FHIT: variants seen among roughly 807,000 people sequenced by gnomAD.
FHIT encodes the protein bis(5'-adenosyl)-triphosphatase.
Under a neutral mutation model 17.9 loss-of-function variants are expected in FHIT, and 19 were observed. That is an observed-to-expected ratio of 1.06 (90% CI 0.74 to 1.56). The LOEUF is 1.56. Ranked by LOEUF, FHIT falls within the 40% of genes most tolerant of loss-of-function variation. The probability of loss-of-function intolerance (pLI) is 0.00; values close to 1 mark genes in which losing one functional copy is unlikely to be tolerated. For synonymous variants in FHIT, 81 were observed against 69.7 expected (o/e 1.16, Z -0.81); for missense variants, 248 against 189.2 (o/e 1.31, Z -1.82).
At chr3:60,709,764 T>A (rs2041469602) in intron 4 of FHIT, among the ~76,000 whole-genome samples, 1 of 152,214 alleles carries the variant, frequency 6.6e-6, no homozygotes, top group Admixed American at 6.5e-5. Context: ...ATATCCAAGT[T>A]TCCCAAAATT....
chr3:59,898,164 C>G (rs1315352177), intron 8 of FHIT, among the ~76,000 whole-genome samples: 1 of 152,168 alleles, frequency 6.6e-6, no homozygotes, highest in African/African-American at 2.4e-5. Context: ...AGTTAAAACT[C>G]TGTTTCATGG....
chr3:60,089,841 T>C (rs1703656066), intron 5 of FHIT, among the ~76,000 whole-genome samples: 1 of 152,128 alleles, frequency 6.6e-6, no homozygotes, highest in Non-Finnish European at 1.5e-5. Context: ...CTCGTAATAT[T>C]GTTGAATTGG....
chr3:60,113,577 G>T (rs1180585024), intron 5 of FHIT, among the ~76,000 whole-genome samples: 1 of 151,816 alleles, frequency 6.6e-6, no homozygotes, highest in African/African-American at 2.4e-5. Flanking sequence ...ACTGGTACAT[G>T]AAGATTAAGA....
intron 7 of FHIT, among the ~76,000 whole-genome samples, chr3:59,966,445 G>A: frequency 6.6e-6 from 1 of 152,156 alleles, no homozygotes; most frequent in East Asian, 1.9e-4. Flanking sequence ...TACATGCTGA[G>A]AAGTATACTA....
intron 4 of FHIT, among the ~76,000 whole-genome samples, chr3:60,581,120 T>C (rs2037736035): frequency 6.6e-6 from 1 of 152,130 alleles, no homozygotes; most frequent in Non-Finnish European, 1.5e-5. Flanking sequence ...TCTCATTCTC[T>C]CTTGCTCACT....
At chr3:59,909,898 G>A (rs1704785785) in intron 8 of FHIT, among the ~76,000 whole-genome samples, 1 of 152,192 alleles carries the variant, frequency 6.6e-6, no homozygotes, top group Non-Finnish European at 1.5e-5. Flanking sequence ...AGAATATGAA[G>A]AAAGGAACAG....
At chr3:60,168,946 C>G (rs146294206) in intron 5 of FHIT, among the ~76,000 whole-genome samples, 2 of 152,284 alleles carry the variant, frequency 1.3e-5, no homozygotes, top group African/African-American at 2.4e-5. Flanking sequence ...CTTGACATAT[C>G]GGGATGTGTG....
chr3:59,946,805 G>A (rs1706828702), intron 7 of FHIT, among the ~76,000 whole-genome samples: 1 of 152,148 alleles, frequency 6.6e-6, no homozygotes, highest in Admixed American at 6.5e-5. Flanking sequence ...TTTTTGTGAT[G>A]AATCACATTT....
intron 4 of FHIT, among the ~76,000 whole-genome samples, chr3:60,538,721 G>C (rs1472846971): frequency 6.6e-6 from 1 of 152,204 alleles, no homozygotes; most frequent in Non-Finnish European, 1.5e-5. Flanking sequence ...ATGGTACTGG[G>C]AAAACTGGCT....
At chr3:60,478,349 T>C (rs770518347) in intron 5 of FHIT, among the ~76,000 whole-genome samples, 7 of 152,168 alleles carry the variant, frequency 4.6e-5, no homozygotes, top group Non-Finnish European at 8.8e-5. Flanking sequence ...TATCGGGGAA[T>C]AATCCTAGCC....
chr3:60,846,401 A>G (rs1365188650), intron 3 of FHIT, among the ~76,000 whole-genome samples: 2 of 152,218 alleles, frequency 1.3e-5, no homozygotes, highest in Non-Finnish European at 2.9e-5. Flanking sequence ...TAAATAACCT[A>G]TACACAAATA....
intron 5 of FHIT, among the ~76,000 whole-genome samples, chr3:60,362,137 A>C (rs952202932): frequency 6.6e-6 from 1 of 152,178 alleles, no homozygotes; most frequent in Non-Finnish European, 1.5e-5. Context: ...GAATATATAT[A>C]GATAGTGAAA....
rs973077730 is a variant in FHIT at position 60,336,366 on chromosome 3, G to C, written c.103+200494C>G. On this transcript the variant is annotated intron_variant, in intron 5 of 9. Transcript: ENST00000492590. ...TTTTGGCTCTTCTTTAGTTACAAAG[G>C]AGATTAAAAGTAATCAGTCTCTTGA... 2.6e-5 allele frequency among the ~76,000 whole-genome samples: 4 copies of C among 152,182 alleles called. 1 individual carries two copies. Among genetic ancestry groups the C allele is most frequent in the African/African-American group, 4.8e-5 (2 of 41,428 alleles).
intron 5 of FHIT, among the ~76,000 whole-genome samples, chr3:60,359,665 G>C (rs1393835886): frequency 2.0e-5 from 3 of 152,212 alleles, no homozygotes; most frequent in East Asian, 3.8e-4. Flanking sequence ...TTTCGCCAAA[G>C]AGACAGGAGC....
At chr3:59,800,953 T>C (rs1009691629) in intron 8 of FHIT, among the ~76,000 whole-genome samples, 6 of 152,346 alleles carry the variant, frequency 3.9e-5, no homozygotes, top group African/African-American at 1.4e-4. Flanking sequence ...CCAAGGATCC[T>C]GATCATCTCC....
intron 5 of FHIT, among the ~76,000 whole-genome samples, chr3:60,522,201 CCT>C (rs1201622637): frequency 6.6e-6 from 1 of 151,864 alleles, no homozygotes; most frequent in African/African-American, 2.4e-5. Context: ...CTTCTGCCCC[CCT>C]GAGTTCAAGC....
At chr3:60,652,408 C>T (rs1193941874) in intron 4 of FHIT, among the ~76,000 whole-genome samples, 3 of 151,864 alleles carry the variant, frequency 2.0e-5, no homozygotes, top group African/African-American at 7.3e-5. Flanking sequence ...TCGAGACCAG[C>T]CTGGTCAACA....
intron 5 of FHIT, among the ~76,000 whole-genome samples, chr3:60,340,074 A>C (rs78407532): frequency 2.2e-4 from 34 of 152,000 alleles, no homozygotes; most frequent in Non-Finnish European, 3.7e-4. Flanking sequence ...GGGGTGTTTA[A>C]TTTTTTTTAA....
intron 5 of FHIT, among the ~76,000 whole-genome samples, chr3:60,171,395 A>G (rs564869276): frequency 5.9e-5 from 9 of 152,122 alleles, no homozygotes; most frequent in Non-Finnish European, 1.2e-4. Flanking sequence ...TGGCCATATG[A>G]TGTGGTACTC....
Sources: allele counts gnomAD v4.1 joint callset (sites outside exome capture counted in the v4.1 genomes callset), GRCh38; gene constraint gnomAD v4.1.1; transcripts MANE v1.5; gene names NCBI Gene and HGNC (gene_info 2026-07-23, HGNC 2026-07-21).